TEAD4: variants seen among roughly 807,000 people sequenced by gnomAD.
TEAD4 encodes TEA domain transcription factor 4, also known as transcriptional enhancer factor TEF-3.
TEAD4 carries 36 observed loss-of-function variants against 52.4 expected under a neutral mutation model. That is an observed-to-expected ratio of 0.69 (90% CI 0.53 to 0.91). The LOEUF (loss-of-function observed/expected upper bound fraction) is 0.91. Ranked by LOEUF, TEAD4 falls within the 40% of genes least tolerant of loss-of-function variation. The pLI is 0.00. For synonymous variants in TEAD4, 220 were observed against 231.0 expected (o/e 0.95, Z 0.43); for missense variants, 508 against 583.9 (o/e 0.87, Z 1.34).
chr12:2,960,734 G>T (rs1219241933), intron 2 of TEAD4, among the ~76,000 whole-genome samples: 1 of 152,208 alleles, frequency 6.6e-6, no homozygotes, highest in Non-Finnish European at 1.5e-5. Context: ...GTCTGAAAGT[G>T]AGTATCTCTG....
chr12:2,973,686 C>T (rs540859251), intron 2 of TEAD4, among the ~76,000 whole-genome samples: 5 of 152,282 alleles, frequency 3.3e-5, no homozygotes, highest in African/African-American at 4.8e-5. Context: ...TTTGGTTTGC[C>T]GGGCATCCTT....
chr12:2,963,316 C>A (rs565259961), intron 2 of TEAD4, among the ~76,000 whole-genome samples: 40 of 152,200 alleles, frequency 2.6e-4, no homozygotes, highest in Admixed American at 2.4e-3. Context: ...AAGTGGAGGA[C>A]GTTGGTCCCC....
intron 3 of TEAD4, among the ~76,000 whole-genome samples, chr12:3,000,345 G>A (rs944882263): frequency 6.6e-6 from 1 of 152,152 alleles, no homozygotes; most frequent in African/African-American, 2.4e-5. Context: ...ACAGAGGCTG[G>A]GAAGTCCAAG....
chr12:3,014,236 G>A (rs570191115), intron 5 of TEAD4, among the ~76,000 whole-genome samples: 15 of 152,300 alleles, frequency 9.8e-5, no homozygotes, highest in Non-Finnish European at 2.1e-4. Flanking sequence ...GACTCACCGG[G>A]ACCCTGCAGA....
intron 3 of TEAD4, among the ~76,000 whole-genome samples, chr12:3,005,940 G>A (rs577514184): frequency 2.0e-5 from 3 of 152,150 alleles, no homozygotes; most frequent in Non-Finnish European, 4.4e-5. Flanking sequence ...GCCCAGTCAA[G>A]GAGGAATGTT....
At chr12:2,987,701 C>A (rs576431438) in intron 2 of TEAD4, among the ~76,000 whole-genome samples, 2 of 150,882 alleles carry the variant, frequency 1.3e-5, no homozygotes, top group African/African-American at 4.9e-5. Flanking sequence ...GGATTACAGG[C>A]CTGAGCCACC....
Position 3,038,057 on chromosome 12 carries a change from C to G in TEAD4, c.987C>G (p.Thr329=). ...AGAGCCCCGAGAACATGATCATCAC[C>G]TGCTCCACGAAGGTCTGCTCTTTCG... Residue 329 remains threonine, a synonymous_variant, in exon 11 of 13, where the codon ACC becomes ACG. Transcript: ENST00000359864. The G allele has an allele frequency of 6.2e-7, 1 of 1,614,102 alleles. No individual in the cohort carries two copies. Among genetic ancestry groups the G allele is most frequent in the Non-Finnish European group, 8.5e-7 (1 of 1,179,942 alleles).
intron 3 of TEAD4, among the ~76,000 whole-genome samples, chr12:3,003,542 A>G (rs533765133): frequency 2.6e-5 from 4 of 152,090 alleles, no homozygotes; most frequent in Non-Finnish European, 5.9e-5. Flanking sequence ...GTGTGGGGCT[A>G]GGAGAAAGCG....
rs770012125 is a variant in TEAD4, at chr12:3,038,006, C to T, written c.936C>T (p.Ser312=). Residue 312 remains serine (S), a synonymous_variant, in exon 11 of 13, where the codon TCC becomes TCT. Coordinates refer to ENST00000359864, the MANE Select transcript of TEAD4 (RefSeq NM_003213.4). ...CCAACATCGAGGATGAAGGCAGCTCCTTCTATGGGGTCTCCAGCCAGTATG... is the reference window on the plus strand; with the variant it reads ...CCAACATCGAGGATGAAGGCAGCTCTTTCTATGGGGTCTCCAGCCAGTATG... 1 of 1,614,086 alleles carries T rather than the reference C, an allele frequency of 6.2e-7. No homozygotes were observed. Among genetic ancestry groups the T allele is most frequent in the East Asian group, 2.2e-5 (1 of 44,876 alleles).
At chr12:2,973,495 G>A (rs1334364744) in intron 2 of TEAD4, among the ~76,000 whole-genome samples, 1 of 152,228 alleles carries the variant, frequency 6.6e-6, no homozygotes, top group East Asian at 1.9e-4. Context: ...GAGGAACTCT[G>A]AAAGTGAGGT....
chr12:2,983,329 G>A (rs979053821), intron 2 of TEAD4, among the ~76,000 whole-genome samples: 1 of 152,078 alleles, frequency 6.6e-6, no homozygotes, highest in Non-Finnish European at 1.5e-5. Context: ...TCTCTCCTGC[G>A]GGACAGCCTT....
intron 10 of TEAD4, among the ~76,000 whole-genome samples, chr12:3,034,887 A>T (rs1384444655): frequency 2.6e-5 from 4 of 152,138 alleles, no homozygotes; most frequent in African/African-American, 7.2e-5. Flanking sequence ...TGAGGCCAGG[A>T]GTTCGTGACC....
chr12:3,039,499 C>T (rs2098281389), intron 11 of TEAD4, among the ~76,000 whole-genome samples: 1 of 152,132 alleles, frequency 6.6e-6, no homozygotes. Flanking sequence ...GGGAAATTTG[C>T]ATGATCACCA....
At chr12:3,019,293 AC>A in intron 8 of TEAD4, 123 bp downstream of exon 8, 2 of 1,091,934 alleles carry the variant, frequency 1.8e-6, no homozygotes, top group Non-Finnish European at 2.7e-6. Flanking sequence ...ATGCACACTG[AC>A]CACACGTCCT....
At position 2,960,828 on chromosome 12, in the gene TEAD4, C is replaced by T. The variant is rs188503487; in HGVS notation, c.-30+788C>T. Among the ~76,000 whole-genome samples, 25 of 152,306 alleles carry T rather than the reference C, an allele frequency of 1.6e-4. No individual in the cohort carries two copies. In the East Asian group the frequency reaches 4.2e-3, roughly 26 times the overall value. ...TGGCTAGGACTGTTCTTCCTCCCTA[C>T]ATAGCCGTGGGCAAGAGTCAGTGTC... On this transcript the variant is annotated intron_variant, in intron 2 of 12. Transcript: ENST00000359864.
intron 2 of TEAD4, among the ~76,000 whole-genome samples, chr12:2,988,885 C>T (rs2098240848): frequency 6.6e-6 from 1 of 152,200 alleles, no homozygotes. Context: ...GTGGCGTACC[C>T]AGGAGAGAAC....
intron 2 of TEAD4, among the ~76,000 whole-genome samples, chr12:2,990,479 TTTTTTTTTTG>T (rs2098242154): frequency 7.3e-6 from 1 of 136,430 alleles, no homozygotes; most frequent in African/African-American, 2.8e-5. Flanking sequence ...TTTTTTTTTT[TTTTTTTTTTG>T]AGATGGAGTC....
chr12:2,970,984 G>A (rs2098224491), intron 2 of TEAD4, among the ~76,000 whole-genome samples: 1 of 152,234 alleles, frequency 6.6e-6, no homozygotes, highest in Non-Finnish European at 1.5e-5. Flanking sequence ...GGCACTGCCA[G>A]CCCAGCACAG....
At chr12:2,969,678 G>A (rs2098223513) in intron 2 of TEAD4, among the ~76,000 whole-genome samples, 1 of 152,226 alleles carries the variant, frequency 6.6e-6, no homozygotes, top group South Asian at 2.1e-4. Flanking sequence ...TTGGAGGCAA[G>A]GCTTGGGACG....
Sources: gnomAD v4.1 joint callset for allele counts (sites outside exome capture counted in the v4.1 genomes callset) on GRCh38, gnomAD v4.1.1 for gene constraint, MANE v1.5 for transcripts, NCBI Gene and HGNC (gene_info 2026-07-23, HGNC 2026-07-21) for gene names.